The following FSTL4 variants were observed in gnomAD, a reference collection of about 807,000 sequenced individuals.
The protein encoded by FSTL4 is follistatin-related protein 4.
A neutral mutation model predicts 78.2 loss-of-function variants in FSTL4; 28 were observed. The ratio of observed to expected loss-of-function variants is 0.36; its 90% CI spans 0.27 to 0.49. The LOEUF (loss-of-function observed/expected upper bound fraction) is 0.49. Among genes scored for constraint, FSTL4 ranks in the 20% least tolerant of loss-of-function variants. The pLI, the probability that FSTL4 is intolerant of heterozygous loss-of-function variation, is 0.98. For synonymous variants in FSTL4, 422 were observed against 440.5 expected, an observed-to-expected ratio of 0.96 and a Z score of 0.53; for missense variants, 922 against 1,084.9, an observed-to-expected ratio of 0.85 and a Z score of 2.11.
intron 6 of FSTL4, among the ~76,000 whole-genome samples, chr5:133,268,871 T>G (rs1227535070): frequency 1.3e-5 from 2 of 152,034 alleles, no homozygotes; most frequent in East Asian, 3.9e-4. Context: ...TATGTTTTGG[T>G]TTCAAATAGA....
At chr5:133,791,129 G>A in the FSTL4 span, among the ~76,000 whole-genome samples, 1 of 152,078 alleles carries the variant, frequency 6.6e-6, no homozygotes, top group Non-Finnish European at 1.5e-5. Context: ...AGGCTCTCCT[G>A]CCCTTGCTAC....
At chr5:133,599,480 A>T in intron 2 of FSTL4, among the ~76,000 whole-genome samples, 1 of 152,182 alleles carries the variant, frequency 6.6e-6, no homozygotes, top group East Asian at 1.9e-4. Flanking sequence ...CTGAAAACCC[A>T]TGGTGTCTGA....
At chr5:133,661,402 C>T in the FSTL4 span, among the ~76,000 whole-genome samples, 6 of 152,136 alleles carry the variant, frequency 3.9e-5, no homozygotes, top group Admixed American at 6.5e-5. Context: ...CACTCGGTGG[C>T]GGTGAGGATT....
chr5:133,537,892 T>A lies in FSTL4; in HGVS notation c.160+29294A>T, dbSNP rs575458359. On this transcript the variant is annotated intron_variant, in intron 3 of 15. Transcript: ENST00000265342. ...ATATATAAATATATAGGCATACATG[T>A]ATATATTTATACATATATAAACACA... Among the ~76,000 whole-genome samples the A allele has an allele frequency of 8.1e-4, 117 of 145,034 alleles. No individual in the cohort carries two copies. In the Middle Eastern group the frequency reaches 0.014, roughly 17 times the overall value.
intron 3 of FSTL4, among the ~76,000 whole-genome samples, chr5:133,454,521 T>G (rs141761033): frequency 2.1e-3 from 325 of 152,282 alleles, no homozygotes; most frequent in Middle Eastern, 0.01. Flanking sequence ...TCTCATAAGC[T>G]CACAGAGGTG....
At chr5:133,664,159 C>T in the FSTL4 span, among the ~76,000 whole-genome samples, 9 of 152,188 alleles carry the variant, frequency 5.9e-5, no homozygotes, top group South Asian at 1.2e-3. Context: ...TGGAAATATT[C>T]GAACACAGAT....
At chr5:133,394,239 C>T (rs952156847) in intron 4 of FSTL4, among the ~76,000 whole-genome samples, 62 of 152,264 alleles carry the variant, frequency 4.1e-4, no homozygotes, top group African/African-American at 1.3e-3. Context: ...TCAGCCTTGG[C>T]GCCCACTCTG....
At chr5:133,706,602 CA>C in the FSTL4 span, among the ~76,000 whole-genome samples, 5 of 152,288 alleles carry the variant, frequency 3.3e-5, no homozygotes, top group Non-Finnish European at 7.4e-5. Flanking sequence ...TGCCATGTGA[CA>C]GACCTTTCCA....
Position 133,230,166 on chromosome 5 carries a change from G to C in FSTL4, c.1015+3251C>G, listed in dbSNP as rs138982598. Among the ~76,000 whole-genome samples, 397 of 152,334 alleles carry C rather than the reference G, an allele frequency of 2.6e-3. 5 individuals carry two copies. In the South Asian group the frequency reaches 0.036, roughly 14 times the overall value. On this transcript the variant is annotated intron_variant, in intron 8 of 15. Coordinates refer to ENST00000265342, the MANE Select transcript of FSTL4 (RefSeq NM_015082.2). ...CAGCACCAGGGCTGGACACTGGCCT[G>C]TGCCTCAGCCCTGGCCTCTGATAGG...
At chr5:133,330,063 A>T (rs2126907011) in intron 4 of FSTL4, among the ~76,000 whole-genome samples, 1 of 152,352 alleles carries the variant, frequency 6.6e-6, no homozygotes, top group African/African-American at 2.4e-5. Flanking sequence ...CAAGTTGTCA[A>T]CATAACAGAC....
At chr5:133,598,919 G>A (rs879838392) in intron 2 of FSTL4, among the ~76,000 whole-genome samples, 10 of 152,278 alleles carry the variant, frequency 6.6e-5, no homozygotes, top group Admixed American at 1.3e-4. Context: ...TTGGACCCCC[G>A]TTGGTTCACC....
intron 13 of FSTL4, among the ~76,000 whole-genome samples, chr5:133,213,835 CCAACTA>C (rs1293334930): frequency 6.6e-6 from 1 of 151,772 alleles, no homozygotes; most frequent in African/African-American, 2.4e-5. Context: ...AGATAAAAAC[CCAACTA>C]CACGTGGCTT....
At chr5:133,683,972 C>T in the FSTL4 span, among the ~76,000 whole-genome samples, 1 of 152,158 alleles carries the variant, frequency 6.6e-6, no homozygotes, top group Non-Finnish European at 1.5e-5. Context: ...TTGCCTCATC[C>T]GCAGTGATTG....
the FSTL4 span, among the ~76,000 whole-genome samples, chr5:133,797,215 A>G: frequency 6.6e-6 from 1 of 152,318 alleles, no homozygotes; most frequent in Non-Finnish European, 1.5e-5. Flanking sequence ...AAATCAATAC[A>G]TGGAAGGTAG....
chr5:133,203,693 G>GA (rs1204856176), intron 14 of FSTL4, among the ~76,000 whole-genome samples: 1 of 152,206 alleles, frequency 6.6e-6, no homozygotes, highest in African/African-American at 2.4e-5. Context: ...AGTCTGAAAA[G>GA]AAAATGCCAG....
At chr5:133,472,039 C>T (rs2112849358) in intron 3 of FSTL4, among the ~76,000 whole-genome samples, 1 of 152,250 alleles carries the variant, frequency 6.6e-6, no homozygotes, top group Non-Finnish European at 1.5e-5. Context: ...TTGGGGGCCA[C>T]ACTATAGAAG....
the FSTL4 span, among the ~76,000 whole-genome samples, chr5:133,732,737 C>T: frequency 2.8e-3 from 418 of 150,762 alleles, 2 homozygotes; most frequent in Admixed American, 5.9e-3. Context: ...CCAGGCCCTC[C>T]GGCAGCAGTG....
the FSTL4 span, among the ~76,000 whole-genome samples, chr5:133,643,781 GA>G: frequency 1.3e-5 from 2 of 152,214 alleles, no homozygotes; most frequent in Admixed American, 6.5e-5. Context: ...ATCCTGCCCT[GA>G]AGGGGGCATA....
chr5:133,570,673 T>C (rs1040544573), intron 2 of FSTL4, among the ~76,000 whole-genome samples: 18 of 152,178 alleles, frequency 1.2e-4, no homozygotes, highest in African/African-American at 4.3e-4. Flanking sequence ...CATAAAAAAG[T>C]AGCTTGTATG....
Sources: allele counts gnomAD v4.1 joint callset (sites outside exome capture counted in the v4.1 genomes callset), GRCh38; gene constraint gnomAD v4.1.1; transcripts MANE v1.5; gene names NCBI Gene and HGNC (gene_info 2026-07-23, HGNC 2026-07-21).